HDAC8: variants seen among roughly 807,000 people sequenced by gnomAD.
HDAC8 encodes the protein histone deacetylase 8.
HDAC8 carries 1 observed loss-of-function variant against 32.2 expected under a neutral mutation model. The ratio of observed to expected loss-of-function variants is 0.03; its 90% CI spans 0.01 to 0.15. The LOEUF is 0.15. Among genes scored for constraint, HDAC8 ranks in the 10% least tolerant of loss-of-function variants. The probability of loss-of-function intolerance (pLI) is 1.00; values close to 1 mark genes in which losing one functional copy is unlikely to be tolerated. For missense variants in HDAC8, 117 were observed against 300.0 expected (o/e 0.39, Z 4.51); for synonymous variants, 108 against 113.9 (o/e 0.95, Z 0.33).
intron 7 of HDAC8, chrX:72,474,540 A>G: frequency 9.0e-7 from 1 of 1,109,022 alleles, no homozygotes. Context: ...GAGGACAGGC[A>G]TCTCTTTATA....
At chrX:72,447,912 C>A (rs1258595819) in intron 9 of HDAC8, among the ~76,000 whole-genome samples, 7 of 111,517 alleles carry the variant, frequency 6.3e-5, no homozygotes, top group Non-Finnish European at 1.1e-4. Context: ...GAACTACAAA[C>A]CACTGCTCAA....
chrX:72,513,987 A>C (rs2049691136), intron 4 of HDAC8, among the ~76,000 whole-genome samples: 1 of 112,394 alleles, frequency 8.9e-6, no homozygotes, highest in Non-Finnish European at 1.9e-5. Context: ...AATAGGTCCA[A>C]AAATAAAGTT....
At chrX:72,340,379 T>C (rs1374609941) in intron 10 of HDAC8, among the ~76,000 whole-genome samples, 1 of 111,518 alleles carries the variant, frequency 9.0e-6, no homozygotes, top group Non-Finnish European at 1.9e-5. Flanking sequence ...CAGAGAAAAA[T>C]TCTGGGCTGG....
At chrX:72,546,032 T>A (rs1186820158) in intron 4 of HDAC8, among the ~76,000 whole-genome samples, 3 of 111,991 alleles carry the variant, frequency 2.7e-5, no homozygotes, top group African/African-American at 9.7e-5. Context: ...AACTGTAGTG[T>A]AATTCACTAC....
chrX:72,465,180 G>T (rs2047983764), intron 7 of HDAC8, among the ~76,000 whole-genome samples: 1 of 111,297 alleles, frequency 9.0e-6, no homozygotes, highest in Non-Finnish European at 1.9e-5. Context: ...GGGGGCTGGG[G>T]AGAAGAATTA....
chrX:72,572,169 A>G, intron 1 of HDAC8, 60 bp from the exon 2 acceptor site: 1 of 1,035,218 alleles, frequency 9.7e-7, no homozygotes, highest in Non-Finnish European at 1.3e-6. Context: ...TTAAAGTTTA[A>G]TTCAGCAAAA....
At chrX:72,534,105 T>G (rs1032828683) in intron 4 of HDAC8, among the ~76,000 whole-genome samples, 15 of 110,272 alleles carry the variant, frequency 1.4e-4, no homozygotes, top group Middle Eastern at 4.8e-3. Context: ...TAATCTTGTA[T>G]GTATAAAATC....
At chrX:72,339,613 T>C (rs782294289) in intron 10 of HDAC8, among the ~76,000 whole-genome samples, 7 of 111,661 alleles carry the variant, frequency 6.3e-5, no homozygotes, top group Admixed American at 9.5e-5. Context: ...GCAATGCAGC[T>C]GGAGAGGTGG....
In HDAC8 at chrX:72,472,776, T is replaced by C. The variant is rs151157268; in HGVS notation, c.738-8045A>G. On this transcript the variant is annotated intron_variant, in intron 7 of 10. Transcript: ENST00000373573. ...CATCTTACCTCTTCTATTCCCTGAC[T>C]CTGTTAATGATATCCATCTTTTCAG... Among the ~76,000 whole-genome samples, 20 of 111,811 alleles carry C rather than the reference T, an allele frequency of 1.8e-4. No homozygotes were observed. In the East Asian group the frequency reaches 5.7e-3, roughly 32 times the overall value.
intron 7 of HDAC8, chrX:72,474,855 T>C (rs2048287657): frequency 2.4e-6 from 1 of 418,060 alleles, no homozygotes; most frequent in South Asian, 5.2e-5. Context: ...CAGCTTCTAC[T>C]GTGTGCCTTT....
chrX:72,428,226 C>A lies in HDAC8; in HGVS notation c.1005+33778G>T, dbSNP rs180841193. On this transcript the variant is annotated intron_variant, in intron 9 of 10. Transcript: ENST00000373573. ...CTCCTGCCTCAGCCTCCTGAGTAGC[C>A]GGGATTACAGGCATGCGCCACCACA... is the stretch of plus-strand genomic sequence containing the variant. Among the ~76,000 whole-genome samples, 856 of 111,808 alleles carry A rather than the reference C, an allele frequency of 7.7e-3. 4 individuals are homozygous for A. Among genetic ancestry groups the A allele is most frequent in the African/African-American group, 0.025 (784 of 30,772 alleles).
chrX:72,372,160 C>T (rs1467817903), intron 9 of HDAC8, among the ~76,000 whole-genome samples: 1 of 110,882 alleles, frequency 9.0e-6, no homozygotes, highest in African/African-American at 3.3e-5. Flanking sequence ...CTAATCTTGA[C>T]TTATTTCTCC....
intron 10 of HDAC8, among the ~76,000 whole-genome samples, chrX:72,330,550 C>T (rs1024643168): frequency 8.9e-6 from 1 of 111,870 alleles, no homozygotes; most frequent in Non-Finnish European, 1.9e-5. Flanking sequence ...AAGGCACAAC[C>T]CTCCTAGCAT....
At chrX:72,350,570 A>G (rs2044149654) in intron 10 of HDAC8, among the ~76,000 whole-genome samples, 1 of 112,226 alleles carries the variant, frequency 8.9e-6, no homozygotes, top group African/African-American at 3.2e-5. Context: ...TTCCCTGTCC[A>G]GGTTAGGCAA....
intron 9 of HDAC8, among the ~76,000 whole-genome samples, chrX:72,400,506 T>C (rs1197070294): frequency 8.9e-6 from 1 of 111,870 alleles, no homozygotes; most frequent in Non-Finnish European, 1.9e-5. Flanking sequence ...CCACACACAA[T>C]ATGTGAGAAA....
chrX:72,491,887 C>T (rs1438032867), intron 5 of HDAC8, among the ~76,000 whole-genome samples: 1 of 111,683 alleles, frequency 9.0e-6, no homozygotes, highest in African/African-American at 3.3e-5. Flanking sequence ...AATTCAGGTA[C>T]TGTCCTCTTT....
chrX:72,428,194 C>T (rs912081983), intron 9 of HDAC8, among the ~76,000 whole-genome samples: 5 of 112,037 alleles, frequency 4.5e-5, no homozygotes, highest in Non-Finnish European at 7.5e-5. Flanking sequence ...CCCAGGTTCA[C>T]GCGATTCTCC....
intron 4 of HDAC8, among the ~76,000 whole-genome samples, chrX:72,511,261 G>C (rs1556021796): frequency 8.9e-6 from 1 of 111,829 alleles, no homozygotes; most frequent in Non-Finnish European, 1.9e-5. Context: ...ATTCTAGTTA[G>C]TTGAAAATAT....
At chrX:72,381,257 T>A (rs939244175) in intron 9 of HDAC8, among the ~76,000 whole-genome samples, 1 of 111,879 alleles carries the variant, frequency 8.9e-6, no homozygotes, top group Non-Finnish European at 1.9e-5. Flanking sequence ...GAAGGCATTA[T>A]TCTAATATAA....
Sources: allele counts gnomAD v4.1 joint callset (sites outside exome capture counted in the v4.1 genomes callset), GRCh38; gene constraint gnomAD v4.1.1; transcripts MANE v1.5; gene names NCBI Gene and HGNC (gene_info 2026-07-23, HGNC 2026-07-21).